Variants in ARFGAP2 observed in about 807,000 individuals in gnomAD.
The protein encoded by ARFGAP2 is ARF GTPase activating protein 2.
A neutral mutation model predicts 71.9 loss-of-function variants in ARFGAP2; 45 were observed. The ratio of observed to expected loss-of-function variants is 0.63; its 90% confidence interval spans 0.49 to 0.80. The LOEUF (loss-of-function observed/expected upper bound fraction) is 0.80, where lower values mean the gene tolerates loss of function less well. ARFGAP2 is among the 30% of genes least tolerant of loss of function. The pLI, the probability that ARFGAP2 is intolerant of heterozygous loss-of-function variation, is 0.00. For missense variants in ARFGAP2, 633 were observed against 673.9 expected (o/e 0.94, Z 0.67); for synonymous variants, 248 against 249.2 (o/e 1.00, Z 0.05).
intron 15 of ARFGAP2, among the ~76,000 whole-genome samples, 172 bp from the exon 16 acceptor site, chr11:47,165,674 G>A (rs751319174): frequency 3.9e-5 from 6 of 152,126 alleles, no homozygotes; most frequent in South Asian, 4.1e-4. Flanking sequence ...GCGGCCACTC[G>A]GGCACCCGAC....
At chr11:47,173,025 T>G in intron 7 of ARFGAP2, 3 of 356,464 alleles carry the variant, frequency 8.4e-6, no homozygotes, top group Non-Finnish European at 1.1e-5. Context: ...GCTGGGGTAC[T>G]GGCTGAGAAA....
At chr11:47,165,746 T>C (rs1373810466) in intron 15 of ARFGAP2, among the ~76,000 whole-genome samples, 1 of 151,834 alleles carries the variant, frequency 6.6e-6, no homozygotes, top group Non-Finnish European at 1.5e-5. Flanking sequence ...GCGGTACAGG[T>C]GACAAGGCCA....
chr11:47,176,325 G>A, intron 2 of ARFGAP2, 191 bp downstream of exon 2: 1 of 619,666 alleles, frequency 1.6e-6, no homozygotes, highest in African/African-American at 1.8e-5. Flanking sequence ...GCCCAGAGGC[G>A]GAGACGGACC....
intron 10 of ARFGAP2, among the ~76,000 whole-genome samples, chr11:47,169,877 T>TA (rs1426413963): frequency 1.3e-5 from 2 of 152,186 alleles, no homozygotes; most frequent in South Asian, 2.1e-4. Context: ...GTTGCACTGC[T>TA]AAAAAACTGT....
intron 7 of ARFGAP2, chr11:47,172,804 C>T: frequency 1.6e-6 from 2 of 1,283,318 alleles, no homozygotes; most frequent in Non-Finnish European, 2.0e-6. Flanking sequence ...AGAGCCTCCA[C>T]AGAGCTCCCA....
At chr11:47,166,643 G>T in intron 13 of ARFGAP2, 44 bp from the exon 14 acceptor site, 2 of 1,605,946 alleles carry the variant, frequency 1.2e-6, no homozygotes, top group South Asian at 2.2e-5. Context: ...TGGGGCTGAT[G>T]ACCCAAGGAC....
At chr11:47,176,065 C>T (rs1952802614) in intron 2 of ARFGAP2, 142 bp from the exon 3 acceptor site, 1 of 743,700 alleles carries the variant, frequency 1.3e-6, no homozygotes, top group African/African-American at 1.7e-5. Flanking sequence ...CTCCACACTA[C>T]CCTGTCCATG....
In ARFGAP2 at chr11:47,176,557, G is replaced by A. The variant is rs781572078; in HGVS notation, c.150C>T (p.Ser50=). The part of the protein sequence containing the change: ...TYGVFLCIDC[S]GVHRSLGVHL... ...GGACGCCCAGGGAGCGGTGCACCCCGGAACAGTCAATGCACAAGAAAACAC... is the reference window on the plus strand; with the variant it reads ...GGACGCCCAGGGAGCGGTGCACCCCAGAACAGTCAATGCACAAGAAAACAC... The change falls in exon 2 of 16, where the codon TCC becomes TCT. Residue 50 remains serine, a synonymous_variant. Transcript: ENST00000524782. The A allele has an allele frequency of 1.2e-5, 20 of 1,613,796 alleles. 1 individual carries two copies. The highest frequency in any genetic ancestry group is 1.1e-4 in the South Asian group (10 of 91,080).
At chr11:47,168,969 A>G (rs1316321482) in intron 10 of ARFGAP2, among the ~76,000 whole-genome samples, 2 of 151,992 alleles carry the variant, frequency 1.3e-5, no homozygotes, top group Non-Finnish European at 2.9e-5. Context: ...CACCAGGGAA[A>G]TGAACATAAC....
chr11:47,166,570 G>A lies in ARFGAP2; in HGVS notation c.1362C>T (p.Leu454=). Residue 454 remains leucine, a synonymous_variant, in exon 14 of 16, where the codon CTC becomes CTT. Transcript: ENST00000524782. ...EYEARSRLQQ[L]SGSSAISSSD... ...AAGAGCTGATGGCACTGCTGCCTGAGAGCTGCTGCAGCCGAGACCTGGCCT... is the reference window on the plus strand; with the variant it reads ...AAGAGCTGATGGCACTGCTGCCTGAAAGCTGCTGCAGCCGAGACCTGGCCT... The A allele has an allele frequency of 1.2e-6, 2 of 1,612,364 alleles. No individual in the cohort carries two copies. Among genetic ancestry groups the A allele is most frequent in the Non-Finnish European group, 1.7e-6 (2 of 1,180,028 alleles).
At chr11:47,165,604 C>CTGGGGA (rs1952325674) in intron 15 of ARFGAP2, 102 bp from the exon 16 acceptor site, 1 of 1,316,810 alleles carries the variant, frequency 7.6e-7, no homozygotes, top group Admixed American at 2.4e-5. Context: ...CACAGCAAGA[C>CTGGGGA]TGGGGAGGCA....
chr11:47,168,262 A>T lies in ARFGAP2; in HGVS notation c.942-11T>A. ...GAGTGGGAGACAGAGCTGCGCAGCA[A>T]AGCAGAGCCAGGCATGAGACCAAAG... is the stretch of plus-strand genomic sequence containing the variant. On this transcript the variant is annotated splice_polypyrimidine_tract_variant and intron_variant, in intron 10 of 15. Transcript: ENST00000524782. The T allele has an allele frequency of 6.2e-7, 1 of 1,613,946 alleles. No individual in the cohort carries two copies. Among genetic ancestry groups the T allele is most frequent in the Non-Finnish European group, 8.5e-7 (1 of 1,180,002 alleles).
chr11:47,175,364 G>A (rs766780481), intron 3 of ARFGAP2, 51 bp from the exon 4 acceptor site: 2 of 1,613,170 alleles, frequency 1.2e-6, no homozygotes, highest in South Asian at 2.2e-5. Flanking sequence ...TCTCAAGAAG[G>A]AAACGTGTTG....
At chr11:47,172,085 C>G in intron 8 of ARFGAP2, 196 bp downstream of exon 8, 1 of 728,152 alleles carries the variant, frequency 1.4e-6, no homozygotes, top group East Asian at 2.5e-5. Flanking sequence ...TCCATCTCAC[C>G]GACTCCTCCC....
chr11:47,176,000 G>T, intron 2 of ARFGAP2, 77 bp from the exon 3 acceptor site: 1 of 1,498,246 alleles, frequency 6.7e-7, no homozygotes, highest in Non-Finnish European at 9.2e-7. Flanking sequence ...CCTGTCACTT[G>T]GCCTCAGGCT....
intron 7 of ARFGAP2, 107 bp from the exon 8 acceptor site, chr11:47,172,440 G>T: frequency 7.5e-7 from 1 of 1,329,442 alleles, no homozygotes; most frequent in Non-Finnish European, 1.1e-6. Flanking sequence ...AACAGCTTCA[G>T]GCAAGGGAAG....
At chr11:47,175,640 C>T in intron 3 of ARFGAP2, 1 of 650,210 alleles carries the variant, frequency 1.5e-6, no homozygotes, top group South Asian at 1.9e-5. Context: ...TGTGGCTTTT[C>T]CCCAAGAACA....
intron 2 of ARFGAP2, chr11:47,176,279 G>A (rs1411889291): frequency 1.7e-6 from 1 of 595,852 alleles, no homozygotes; most frequent in Non-Finnish European, 3.0e-6. Context: ...AACGCTCAGA[G>A]TCTCAAGCCT....
chr11:47,165,529 A>G, intron 15 of ARFGAP2, 27 bp from the exon 16 acceptor site: 1 of 1,557,592 alleles, frequency 6.4e-7, no homozygotes, highest in Non-Finnish European at 8.7e-7. Context: ...AGAAAAAAAA[A>G]AAAAAAGTCA....
Sources: gnomAD v4.1 joint callset for allele counts (sites outside exome capture counted in the v4.1 genomes callset) on GRCh38, gnomAD v4.1.1 for gene constraint, MANE v1.5 for transcripts, NCBI Gene and HGNC (gene_info 2026-07-23, HGNC 2026-07-21) for gene names.